Variants in MAN1C1 observed in about 807,000 individuals in gnomAD.
MAN1C1 encodes the protein mannosidase alpha class 1C member 1.
A neutral mutation model predicts 71.5 loss-of-function variants in MAN1C1; 49 were observed. That is an observed-to-expected ratio of 0.69 (90% CI 0.54 to 0.87). The LOEUF is 0.87. Among genes scored for constraint, MAN1C1 ranks in the 40% least tolerant of loss-of-function variants. The pLI, the probability that MAN1C1 is intolerant of heterozygous loss-of-function variation, is 0.00. For synonymous variants in MAN1C1, 352 were observed against 343.7 expected, an observed-to-expected ratio of 1.02 and a Z score of -0.27; for missense variants, 743 against 835.0, an observed-to-expected ratio of 0.89 and a Z score of 1.36.
intron 2 of MAN1C1, among the ~76,000 whole-genome samples, chr1:25,700,827 G>A (rs1431607754): frequency 1.3e-5 from 2 of 152,190 alleles, no homozygotes; most frequent in Non-Finnish European, 2.9e-5. Flanking sequence ...AAGCGTAGGA[G>A]GCCCTGCTGG....
intron 2 of MAN1C1, among the ~76,000 whole-genome samples, chr1:25,720,885 T>C (rs1432333660): frequency 6.6e-6 from 1 of 152,240 alleles, no homozygotes; most frequent in Non-Finnish European, 1.5e-5. Flanking sequence ...TTCTTTTGCA[T>C]GTGGATATCC....
At chr1:25,686,355 GT>G (rs1321621326) in intron 1 of MAN1C1, 84 bp from the exon 2 acceptor site, 13 of 1,107,030 alleles carry the variant, frequency 1.2e-5, no homozygotes, top group Non-Finnish European at 1.5e-5. Flanking sequence ...TTAAAAACAC[GT>G]TGCAAGGGGC....
At chr1:25,741,586 C>A (rs1250543979) in intron 2 of MAN1C1, among the ~76,000 whole-genome samples, 1 of 152,036 alleles carries the variant, frequency 6.6e-6, no homozygotes, top group Non-Finnish European at 1.5e-5. Flanking sequence ...TATAAAGTGA[C>A]AGGGACAGGG....
chr1:25,670,281 C>A (rs2045976292), intron 1 of MAN1C1, among the ~76,000 whole-genome samples: 1 of 152,236 alleles, frequency 6.6e-6, no homozygotes, highest in Non-Finnish European at 1.5e-5. Flanking sequence ...GAAACCAGCA[C>A]TTGGAGATTC....
intron 1 of MAN1C1, among the ~76,000 whole-genome samples, chr1:25,630,279 C>T (rs1054732981): frequency 1.4e-4 from 21 of 152,030 alleles, no homozygotes; most frequent in African/African-American, 5.1e-4. Context: ...TATATCAGTA[C>T]CATTCTGTTT....
chr1:25,689,691 G>A (rs2046280665), intron 2 of MAN1C1, among the ~76,000 whole-genome samples: 1 of 152,176 alleles, frequency 6.6e-6, no homozygotes, highest in Non-Finnish European at 1.5e-5. Context: ...TGGACTCATG[G>A]GGGCTGCTGG....
rs112270547 is a variant in MAN1C1 at position 25,774,870 on chromosome 1, G to A, written c.1257+3098G>A. 3.1e-3 allele frequency among the ~76,000 whole-genome samples: 472 copies of A among 150,650 alleles called. 3 individuals carry two copies. The Middle Eastern group carries it at 0.032, about 10-fold the overall frequency. On this transcript the variant is annotated intron_variant, in intron 8 of 11. Coordinates refer to ENST00000374332, the MANE Select transcript of MAN1C1 (RefSeq NM_020379.4). ...TGTGCCCCACTTAGCTCCTTGCACC[G>A]CTGCTTGCTGTGATTTAAACCTTTT... is the stretch of plus-strand genomic sequence containing the variant.
At chr1:25,777,370 C>T (rs1167162100) in intron 8 of MAN1C1, among the ~76,000 whole-genome samples, 2 of 152,154 alleles carry the variant, frequency 1.3e-5, no homozygotes, top group Non-Finnish European at 2.9e-5. Flanking sequence ...AGTCTGACCC[C>T]CTCACGCCCC....
chr1:25,618,449 ACTT>A, intron 1 of MAN1C1, 112 bp downstream of exon 1: 1 of 1,077,900 alleles, frequency 9.3e-7, no homozygotes, highest in Non-Finnish European at 1.3e-6. Flanking sequence ...TCCCAGGTCT[ACTT>A]CTGGCCCTGC....
chr1:25,616,923 G>C lies in MAN1C1; in HGVS notation c.-875G>C, dbSNP rs1046608309. The stretch of plus-strand genomic sequence containing the variant: ...CCGCTGCGAGGAAGACAGCTGCAGC[G>C]GGGGAGGCGCGGCCAGGGCTGCGCG... On this transcript the variant is annotated 5_prime_UTR_variant, in exon 1 of 12. Coordinates refer to ENST00000374332, the MANE Select transcript of MAN1C1 (RefSeq NM_020379.4). The surrounding 1 kb of genome is among the most constrained non-coding windows in gnomAD (Gnocchi z 5.6). Among the ~76,000 whole-genome samples, 3 of 150,646 alleles carry C rather than the reference G, an allele frequency of 2.0e-5. No homozygotes were observed. The highest frequency in any genetic ancestry group is 2.0e-4 in the East Asian group (1 of 5,090).
rs1368715034 is a variant in MAN1C1 at position 25,616,817 on chromosome 1, C to A, written c.-981C>A. 6.8e-6 allele frequency among the ~76,000 whole-genome samples: 1 copy of A among 147,704 alleles called. No individual in the cohort carries two copies. Among genetic ancestry groups the A allele is most frequent in the African/African-American group, 2.4e-5 (1 of 40,936 alleles). ...GTGAAAGCCCGAGCGGCGGCGGCGG[C>A]GGGGACGGCGGTGGAGGCGGCCGGG... On this transcript the variant is annotated 5_prime_UTR_variant, in exon 1 of 12. Transcript: ENST00000374332. The surrounding 1 kb of genome is among the most constrained non-coding windows in gnomAD (Gnocchi z 5.6).
intron 6 of MAN1C1, among the ~76,000 whole-genome samples, chr1:25,762,866 T>C (rs961253072): frequency 3.3e-5 from 5 of 152,252 alleles, no homozygotes; most frequent in African/African-American, 1.2e-4. Context: ...CCTTTGTATA[T>C]ATACCCAATA....
intron 3 of MAN1C1, among the ~76,000 whole-genome samples, chr1:25,747,289 C>A (rs1472669551): frequency 6.6e-6 from 1 of 152,190 alleles, no homozygotes; most frequent in Non-Finnish European, 1.5e-5. Context: ...AGGCCTGGGA[C>A]CTCTTGGTCT....
intron 10 of MAN1C1, among the ~76,000 whole-genome samples, chr1:25,781,467 C>T (rs1330201367): frequency 6.6e-6 from 1 of 152,206 alleles, no homozygotes; most frequent in Non-Finnish European, 1.5e-5. Flanking sequence ...CTTTCCTGAT[C>T]TCGAAGCTGG....
chr1:25,760,115 G>A lies in MAN1C1; in HGVS notation c.1047+1406G>A, dbSNP rs1347659245. 3.3e-5 allele frequency: 5 copies of A among 152,230 alleles called. No homozygotes were observed. In the East Asian group the frequency reaches 9.6e-4, roughly 29 times the overall value. 9.4% of individuals were successfully genotyped at this position (152,230 alleles called of 1,614,324 possible). ...GACCAGCTCCGAATGGAGTGGGACA[G>A]GGAGCTCACTCCAGTCCCTGGTTAT... is the stretch of plus-strand genomic sequence containing the variant. On this transcript the variant is annotated intron_variant, in intron 6 of 11. Coordinates refer to ENST00000374332, the MANE Select transcript of MAN1C1 (RefSeq NM_020379.4).
chr1:25,701,212 A>C (rs2046437906), intron 2 of MAN1C1, among the ~76,000 whole-genome samples: 1 of 152,198 alleles, frequency 6.6e-6, no homozygotes, highest in South Asian at 2.1e-4. Flanking sequence ...TCCCCAGCCC[A>C]GGGGCCTGAA....
intron 2 of MAN1C1, among the ~76,000 whole-genome samples, chr1:25,729,663 C>G (rs997710026): frequency 7.2e-5 from 11 of 152,042 alleles, no homozygotes; most frequent in African/African-American, 2.4e-4. Context: ...AGGCGCCCAC[C>G]ACCACGCCCA....
intron 2 of MAN1C1, among the ~76,000 whole-genome samples, chr1:25,715,003 G>A (rs1274791317): frequency 6.6e-6 from 1 of 152,094 alleles, no homozygotes; most frequent in East Asian, 1.9e-4. Context: ...TTAGACTTCA[G>A]GCACAGCTTG....
At chr1:25,738,753 A>G (rs1300265984) in intron 2 of MAN1C1, among the ~76,000 whole-genome samples, 2 of 152,186 alleles carry the variant, frequency 1.3e-5, no homozygotes, top group Admixed American at 1.3e-4. Context: ...GGCTCTCTAC[A>G]TGTTTTCTCC....
Sources: allele counts gnomAD v4.1 joint callset (sites outside exome capture counted in the v4.1 genomes callset), GRCh38; gene constraint gnomAD v4.1.1; non-coding constraint Gnocchi (gnomAD v3.1); transcripts MANE v1.5; gene names NCBI Gene and HGNC (gene_info 2026-07-23, HGNC 2026-07-21).